The following CSMD1 variants were observed in gnomAD, a reference collection of about 807,000 sequenced individuals.
CSMD1 encodes the protein CUB and Sushi multiple domains 1.
Under a neutral mutation model 417.5 loss-of-function variants are expected in CSMD1, and 213 were observed. That is an observed-to-expected ratio of 0.51 (90% confidence interval 0.46 to 0.57). CSMD1 has a LOEUF of 0.57. Ranked by LOEUF, CSMD1 falls within the 20% of genes least tolerant of loss-of-function variation. The probability of loss-of-function intolerance (pLI) is 0.00; values close to 1 mark genes in which losing one functional copy is unlikely to be tolerated. For synonymous variants in CSMD1, 2,862 were observed against 1,736.8 expected, an observed-to-expected ratio of 1.65 and a Z score of -16.11; for missense variants, 6,923 against 4,529.7, an observed-to-expected ratio of 1.53 and a Z score of -15.17.
rs1669863775 is a variant in CSMD1, at chr8:3,254,238, A to T, written c.4154-24007T>A. 2.0e-5 allele frequency among the ~76,000 whole-genome samples: 3 copies of T among 152,172 alleles called. No individual in the cohort carries two copies. The South Asian group carries it at 6.2e-4, about 32-fold the overall frequency. Reference sequence around the variant, plus strand: ...TCTGGCTTGTAGAGTTTCTGTCGAGAGATCAGCTGTTAGTCTGATGGGCTT... The same window carrying T: ...TCTGGCTTGTAGAGTTTCTGTCGAGTGATCAGCTGTTAGTCTGATGGGCTT... On this transcript the variant is annotated intron_variant, in intron 26 of 69. Coordinates refer to ENST00000635120, the MANE Select transcript of CSMD1 (RefSeq NM_033225.6).
At chr8:4,351,275 C>A (rs187163030) in intron 3 of CSMD1, among the ~76,000 whole-genome samples, 1 of 152,168 alleles carries the variant, frequency 6.6e-6, no homozygotes, top group South Asian at 2.1e-4. Context: ...AACATTAGAA[C>A]GTATCTTTCC....
chr8:3,096,344 G>C (rs374860667), intron 47 of CSMD1, among the ~76,000 whole-genome samples: 4 of 152,032 alleles, frequency 2.6e-5, no homozygotes, highest in African/African-American at 9.7e-5. Flanking sequence ...GGAGGTAATT[G>C]AATCATGTGG....
chr8:3,465,738 T>C (rs1179776424), intron 12 of CSMD1, among the ~76,000 whole-genome samples: 2 of 152,178 alleles, frequency 1.3e-5, no homozygotes, highest in East Asian at 1.9e-4. Context: ...GAGGTTACAA[T>C]GATAGCTACT....
intron 1 of CSMD1, among the ~76,000 whole-genome samples, chr8:4,711,584 A>T (rs1264359557): frequency 1.3e-5 from 2 of 152,150 alleles, no homozygotes; most frequent in Non-Finnish European, 2.9e-5. Flanking sequence ...AAAAAAATAT[A>T]TTGGTACTAA....
chr8:3,354,931 A>ATCTATATCTATAGATC (rs1808675714), intron 21 of CSMD1, among the ~76,000 whole-genome samples: 1 of 63,134 alleles, frequency 1.6e-5, no homozygotes, highest in African/African-American at 8.1e-5. Flanking sequence ...ATCTATAGAT[A>ATCTATATCTATAGATC]TAGATATATA....
chr8:4,088,703 C>A (rs886656709), intron 3 of CSMD1, among the ~76,000 whole-genome samples: 2 of 152,068 alleles, frequency 1.3e-5, no homozygotes, highest in Non-Finnish European at 2.9e-5. Context: ...GCAATCAGCT[C>A]CCCGACCCCA....
At chr8:4,561,800 A>T (rs1414471588) in intron 2 of CSMD1, among the ~76,000 whole-genome samples, 2 of 152,228 alleles carry the variant, frequency 1.3e-5, no homozygotes, top group Admixed American at 1.3e-4. Flanking sequence ...GATGAGGCAG[A>T]GGTTATGAAC....
At chr8:4,523,129 A>C (rs1803564139) in intron 2 of CSMD1, among the ~76,000 whole-genome samples, 1 of 152,186 alleles carries the variant, frequency 6.6e-6, no homozygotes. Context: ...CTCATTATAC[A>C]TCCTTTGGTG....
chr8:3,585,823 G>T (rs552699722), intron 9 of CSMD1, among the ~76,000 whole-genome samples: 1 of 152,266 alleles, frequency 6.6e-6, no homozygotes, highest in Admixed American at 6.5e-5. Context: ...GGCAGGTCCA[G>T]CTGTGGGACA....
At chr8:4,731,880 A>C (rs1450729669) in intron 1 of CSMD1, among the ~76,000 whole-genome samples, 1 of 151,958 alleles carries the variant, frequency 6.6e-6, no homozygotes, top group Non-Finnish European at 1.5e-5. Flanking sequence ...TTTTTATTCT[A>C]ACTGTCTCTT....
chr8:3,818,457 C>G (rs763979057), intron 5 of CSMD1, among the ~76,000 whole-genome samples: 4 of 152,158 alleles, frequency 2.6e-5, no homozygotes, highest in Admixed American at 6.5e-5. Flanking sequence ...ATCAGCTATC[C>G]AGTGAGCTCA....
At chr8:4,497,945 G>C (rs1045297359) in intron 2 of CSMD1, among the ~76,000 whole-genome samples, 2 of 152,124 alleles carry the variant, frequency 1.3e-5, no homozygotes, top group African/African-American at 4.8e-5. Context: ...GCAACTGCCC[G>C]TGGGGTTTCC....
intron 26 of CSMD1, among the ~76,000 whole-genome samples, chr8:3,271,386 C>G (rs1801843919): frequency 6.6e-6 from 1 of 151,946 alleles, no homozygotes; most frequent in Non-Finnish European, 1.5e-5. Flanking sequence ...CCACAATAAA[C>G]ATACGTGTAC....
intron 10 of CSMD1, among the ~76,000 whole-genome samples, chr8:3,496,173 C>G (rs1255530113): frequency 6.6e-6 from 1 of 152,168 alleles, no homozygotes; most frequent in East Asian, 1.9e-4. Context: ...GTTTTCTACT[C>G]CTGCCATTTT....
rs150504179 is a variant in CSMD1, at chr8:3,881,070, A to G, written c.818+116833T>C. On this transcript the variant is annotated intron_variant, in intron 5 of 69. Transcript: ENST00000635120. ...TCTATGAGTGAATTCAAAAAATTAT[A>G]TAAAAAACTGAATGCACGAAATCTG... Among the ~76,000 whole-genome samples the G allele has an allele frequency of 6.2e-4, 94 of 152,302 alleles. No homozygotes were observed. In the Middle Eastern group the frequency reaches 0.01, roughly 17 times the overall value.
At chr8:4,837,513 T>C (rs959667158) in intron 1 of CSMD1, among the ~76,000 whole-genome samples, 1 of 152,312 alleles carries the variant, frequency 6.6e-6, no homozygotes, top group Middle Eastern at 3.4e-3. Flanking sequence ...CACAAAAGTA[T>C]AGCTTTTTGC....
intron 8 of CSMD1, among the ~76,000 whole-genome samples, chr8:3,611,650 T>TC (rs1464432680): frequency 2.0e-5 from 3 of 152,186 alleles, no homozygotes; most frequent in African/African-American, 7.2e-5. Context: ...CTGGTATCTA[T>TC]CATCATGAGT....
intron 52 of CSMD1, among the ~76,000 whole-genome samples, chr8:3,013,481 T>A (rs1362479451): frequency 6.6e-6 from 1 of 152,202 alleles, no homozygotes; most frequent in Non-Finnish European, 1.5e-5. Flanking sequence ...CCTGGTGTGG[T>A]GCCTCACGCC....
intron 7 of CSMD1, among the ~76,000 whole-genome samples, chr8:3,627,851 G>T (rs1796571742): frequency 6.6e-6 from 1 of 152,156 alleles, no homozygotes; most frequent in African/African-American, 2.4e-5. Context: ...AGCCCACATT[G>T]TTCTTTGTAC....
Sources: allele counts gnomAD v4.1 joint callset (sites outside exome capture counted in the v4.1 genomes callset), GRCh38; gene constraint gnomAD v4.1.1; transcripts MANE v1.5; gene names NCBI Gene and HGNC (gene_info 2026-07-23, HGNC 2026-07-21).